The following DAPK2 variants were observed in gnomAD, a reference collection of about 807,000 sequenced individuals.
DAPK2 encodes the protein death associated protein kinase 2, also known as death-associated protein kinase 2.
A neutral mutation model predicts 44.1 loss-of-function variants in DAPK2; 35 were observed. The observed-to-expected ratio is 0.79, with a 90% confidence interval of 0.61 to 1.05. The LOEUF (loss-of-function observed/expected upper bound fraction) is 1.05, where lower values mean the gene tolerates loss of function less well. Ranked by LOEUF, DAPK2 falls within the 50% of genes least tolerant of loss-of-function variation. The pLI, the probability that DAPK2 is intolerant of heterozygous loss-of-function variation, is 0.00. For synonymous variants in DAPK2, 174 were observed against 182.6 expected, an observed-to-expected ratio of 0.95 and a Z score of 0.38; for missense variants, 453 against 483.2, an observed-to-expected ratio of 0.94 and a Z score of 0.59.
chr15:63,954,368 G>C (rs992337596), intron 3 of DAPK2, among the ~76,000 whole-genome samples: 1 of 152,090 alleles, frequency 6.6e-6, no homozygotes, highest in Non-Finnish European at 1.5e-5. Context: ...TCTGTATGTG[G>C]ATATGTAGTT....
At chr15:64,031,253 G>A (rs2080007033) in intron 1 of DAPK2, among the ~76,000 whole-genome samples, 1 of 148,736 alleles carries the variant, frequency 6.7e-6, no homozygotes. Flanking sequence ...TTTTTTTTGA[G>A]ACAGGGTCTT....
intron 2 of DAPK2, among the ~76,000 whole-genome samples, chr15:63,977,337 G>T (rs568249352): frequency 6.6e-6 from 1 of 152,304 alleles, no homozygotes; most frequent in South Asian, 2.1e-4. Flanking sequence ...CCTTGGGCAG[G>T]TGCTGGAAGC....
At chr15:63,983,895 C>T in intron 1 of DAPK2, 141 bp from the exon 3 acceptor site, 1 of 770,128 alleles carries the variant, frequency 1.3e-6, no homozygotes, top group South Asian at 1.7e-5. Context: ...GCATCCCCAC[C>T]TGATGACAAC....
At chr15:63,910,776 T>C (rs2078765924) in intron 10 of DAPK2, 1 of 152,210 alleles carries the variant, frequency 6.6e-6, no homozygotes, top group African/African-American at 2.4e-5. Context: ...TGGGCTGGTC[T>C]TTAACTCCTG....
intron 3 of DAPK2, among the ~76,000 whole-genome samples, chr15:63,950,914 T>A (rs866033365): frequency 6.6e-6 from 1 of 152,352 alleles, no homozygotes; most frequent in Middle Eastern, 3.4e-3. Flanking sequence ...AACATCCTCA[T>A]GACAGCTTGG....
At position 64,002,563 on chromosome 15, in the gene DAPK2, C is replaced by T. The variant is rs556591681; in HGVS notation, c.93-18809G>A. Among the ~76,000 whole-genome samples, 3 of 152,306 alleles carry T rather than the reference C, an allele frequency of 2.0e-5. No homozygotes were observed. The East Asian group carries it at 5.8e-4, about 29-fold the overall frequency. ...TTGGCAGAACACATACTAAACTCTC[C>T]CAGCTCCAGTTTCCACTTCTGTAAA... On this transcript the variant is annotated intron_variant, in intron 1 of 10. Coordinates refer to ENST00000261891, the Ensembl canonical transcript of DAPK2.
chr15:63,994,290 T>C (rs563005417), intron 1 of DAPK2, among the ~76,000 whole-genome samples: 1 of 152,212 alleles, frequency 6.6e-6, no homozygotes, highest in Admixed American at 6.5e-5. Flanking sequence ...GGAAGTGTGA[T>C]AAAGGGCCTT....
At chr15:64,005,735 A>G (rs1449452867) in intron 1 of DAPK2, among the ~76,000 whole-genome samples, 1 of 151,914 alleles carries the variant, frequency 6.6e-6, no homozygotes, top group Non-Finnish European at 1.5e-5. Flanking sequence ...ACCACATAAA[A>G]CTCTGCAACA....
chr15:63,964,062 G>A (rs1163316803), intron 3 of DAPK2, among the ~76,000 whole-genome samples: 2 of 152,130 alleles, frequency 1.3e-5, no homozygotes, highest in Non-Finnish European at 2.9e-5. Flanking sequence ...CCTTCAGATG[G>A]TTTCTTATTG....
chr15:64,031,434 T>C (rs533381557), intron 1 of DAPK2, among the ~76,000 whole-genome samples: 1 of 152,270 alleles, frequency 6.6e-6, no homozygotes, highest in South Asian at 2.1e-4. Flanking sequence ...GTTTCACATA[T>C]GTTGCCCTGA....
intron 8 of DAPK2, among the ~76,000 whole-genome samples, chr15:63,914,182 C>T (rs1243362593): frequency 1.3e-5 from 2 of 151,798 alleles, no homozygotes; most frequent in Non-Finnish European, 1.5e-5. Flanking sequence ...ACAAAGGTTC[C>T]CCATGGCTCT....
chr15:64,033,595 G>C (rs1197106227), intron 1 of DAPK2, among the ~76,000 whole-genome samples: 1 of 152,132 alleles, frequency 6.6e-6, no homozygotes, highest in African/African-American at 2.4e-5. Flanking sequence ...AACTTAAAAA[G>C]GTTCTGAATG....
At chr15:63,969,734 T>C (rs2078157081) in intron 3 of DAPK2, among the ~76,000 whole-genome samples, 1 of 116,550 alleles carries the variant, frequency 8.6e-6, no homozygotes, top group African/African-American at 2.8e-5. Flanking sequence ...AGCGAGACTA[T>C]CTCTATTAAA....
chr15:63,958,723 TG>T, intron 3 of DAPK2, among the ~76,000 whole-genome samples: 1 of 152,370 alleles, frequency 6.6e-6, no homozygotes, highest in Admixed American at 6.5e-5. Context: ...ATGTCTGTTT[TG>T]GTACCAGTAC....
chr15:63,960,912 CT>C (rs1217499556), intron 3 of DAPK2, among the ~76,000 whole-genome samples: 1 of 152,138 alleles, frequency 6.6e-6, no homozygotes, highest in Non-Finnish European at 1.5e-5. Flanking sequence ...TGTTAACTTT[CT>C]GTCTTGTTGA....
chr15:63,956,638 G>A lies in DAPK2; in HGVS notation c.453+14785C>T, dbSNP rs534273223. ...GTCGCACTCCGTCGCCCAGGCTGGA[G>A]TGCAGTGGCGCAATCTCAGCTCACT... On this transcript the variant is annotated intron_variant, in intron 3 of 10. Coordinates refer to ENST00000261891, the Ensembl canonical transcript of DAPK2. 7.9e-5 allele frequency among the ~76,000 whole-genome samples: 12 copies of A among 151,582 alleles called. No homozygotes were observed. The South Asian group carries it at 2.5e-3, about 32-fold the overall frequency.
intron 1 of DAPK2, among the ~76,000 whole-genome samples, chr15:64,023,985 T>A (rs1012273117): frequency 6.6e-6 from 1 of 152,254 alleles, no homozygotes; most frequent in East Asian, 1.9e-4. Flanking sequence ...GGAGTTTAAC[T>A]GCCTATCTGA....
chr15:63,930,533 T>C, intron 4 of DAPK2, 78 bp from the exon 6 acceptor site: 1 of 1,381,360 alleles, frequency 7.2e-7, no homozygotes, highest in Non-Finnish European at 1.0e-6. Context: ...TTTAGGGAAT[T>C]TGGTGCCAAA....
chr15:63,959,179 G>A (rs543628001), intron 3 of DAPK2, among the ~76,000 whole-genome samples: 1 of 152,304 alleles, frequency 6.6e-6, no homozygotes, highest in African/African-American at 2.4e-5. Context: ...GTACAAGAAT[G>A]CTTGTGATTT....
Sources: allele counts gnomAD v4.1 joint callset (sites outside exome capture counted in the v4.1 genomes callset), GRCh38; gene constraint gnomAD v4.1.1; transcripts MANE v1.5; gene names NCBI Gene and HGNC (gene_info 2026-07-23, HGNC 2026-07-21).